HIVEP1: variants seen among roughly 807,000 people sequenced by gnomAD.
HIVEP1 encodes the protein zinc finger protein 40.
Under a neutral mutation model 180.0 loss-of-function variants are expected in HIVEP1, and 36 were observed. The ratio of observed to expected loss-of-function variants is 0.20; its 90% confidence interval spans 0.15 to 0.26. The LOEUF (loss-of-function observed/expected upper bound fraction) is 0.26, where lower values mean the gene tolerates loss of function less well. Ranked by LOEUF, HIVEP1 falls within the 10% of genes least tolerant of loss-of-function variation. HIVEP1 has a pLI of 1.00. For synonymous variants in HIVEP1, 1,239 were observed against 1,239.0 expected (o/e 1.00, Z 0.00); for missense variants, 3,143 against 3,268.7 (o/e 0.96, Z 0.94).
At chr6:12,205,449 T>C in the HIVEP1 span, among the ~76,000 whole-genome samples, 154 of 151,026 alleles carry the variant, frequency 1.0e-3, 1 homozygote, top group African/African-American at 3.1e-3. Context: ...CCAGCCTGGG[T>C]GACAGAGCAA....
At chr6:12,210,953 T>A in the HIVEP1 span, among the ~76,000 whole-genome samples, 1 of 152,030 alleles carries the variant, frequency 6.6e-6, no homozygotes, top group Non-Finnish European at 1.5e-5. Flanking sequence ...GATAAATGAA[T>A]GCCCCATTTA....
At chr6:12,068,645 A>G (rs1771761178) in intron 2 of HIVEP1, among the ~76,000 whole-genome samples, 1 of 152,204 alleles carries the variant, frequency 6.6e-6, no homozygotes, top group South Asian at 2.1e-4. Flanking sequence ...GTGAAGATAT[A>G]TGTGTAAATC....
intron 3 of HIVEP1, among the ~76,000 whole-genome samples, chr6:12,099,730 T>C (rs1434465192): frequency 6.6e-6 from 1 of 152,034 alleles, no homozygotes; most frequent in Admixed American, 6.5e-5. Flanking sequence ...TTGACAAATG[T>C]TTATTGAATC....
At chr6:12,174,638 AAAG>A in the HIVEP1 span, among the ~76,000 whole-genome samples, 12 of 152,220 alleles carry the variant, frequency 7.9e-5, no homozygotes, top group African/African-American at 1.2e-4. Flanking sequence ...TCCTTCAAAA[AAAG>A]AAGAAGCATT....
intron 2 of HIVEP1, among the ~76,000 whole-genome samples, chr6:12,078,337 A>G (rs1363450405): frequency 2.0e-5 from 3 of 152,130 alleles, no homozygotes; most frequent in African/African-American, 7.2e-5. Flanking sequence ...TCTGTTGCTC[A>G]GATCCTCTGC....
At position 12,123,661 on chromosome 6, in the gene HIVEP1, T is replaced by C. The variant is rs773329120; in HGVS notation, c.3866T>C (p.Ile1289Thr). The C allele has an allele frequency of 3.7e-6, 6 of 1,613,938 alleles. No homozygotes were observed. The highest frequency in any genetic ancestry group is 5.1e-6 in the Non-Finnish European group (6 of 1,180,028). Residue 1289 changes from isoleucine (I) to threonine (T), a missense_variant, in exon 4 of 9, where the codon ATA (isoleucine) becomes ACA (threonine). Ile to Thr is a moderately conservative substitution (Grantham distance 89, BLOSUM62 -1). Transcript: ENST00000379388. Reference protein sequence around the residue: ...PKKKRLRLAEIEHSSTESSFD... With the variant: ...PKKKRLRLAETEHSSTESSFD... ...AAGAAAAGGCTCCGTCTGGCTGAGA[T>C]AGAACATTCCTCAACAGAATCGAGC...
At chr6:12,008,116 C>T (rs1354127107), upstream of HIVEP1, 2 of 152,052 alleles carry the variant, frequency 1.3e-5, no homozygotes, top group Admixed American at 6.5e-5. Context: ...AAACTATATC[C>T]AGTGTCTGCT....
At chr6:12,013,771 T>A (rs1411060696) in intron 1 of HIVEP1, among the ~76,000 whole-genome samples, 1 of 152,240 alleles carries the variant, frequency 6.6e-6, no homozygotes, top group African/African-American at 2.4e-5. Context: ...TGAGAAACCC[T>A]ATCTTTTATA....
upstream of HIVEP1, among the ~76,000 whole-genome samples, chr6:12,011,735 C>G (rs866936233): frequency 3.6e-3 from 534 of 148,320 alleles, 4 homozygotes; most frequent in Non-Finnish European, 5.4e-3. Context: ...GCTCCGGGTT[C>G]GTGCCGGGCC....
the HIVEP1 span, among the ~76,000 whole-genome samples, chr6:12,209,364 C>T: frequency 4.6e-5 from 7 of 152,260 alleles, no homozygotes; most frequent in South Asian, 8.3e-4. Flanking sequence ...ACCCGGGAGG[C>T]GGAGCTTGCA....
upstream of HIVEP1, among the ~76,000 whole-genome samples, chr6:12,009,109 C>A (rs1767146895): frequency 7.0e-6 from 1 of 143,094 alleles, no homozygotes; most frequent in African/African-American, 2.5e-5. Flanking sequence ...TCCGGGATCT[C>A]CGCGTGGCGG....
intron 2 of HIVEP1, among the ~76,000 whole-genome samples, chr6:12,017,483 C>T (rs1767875496): frequency 6.6e-6 from 1 of 152,228 alleles, no homozygotes; most frequent in South Asian, 2.1e-4. Flanking sequence ...AGATTTATTG[C>T]AAAGAGCACA....
At chr6:12,097,003 G>A (rs1773821081) in intron 3 of HIVEP1, among the ~76,000 whole-genome samples, 1 of 152,050 alleles carries the variant, frequency 6.6e-6, no homozygotes, top group Non-Finnish European at 1.5e-5. Flanking sequence ...GAAAGCTCAT[G>A]TGGATATGGC....
intron 7 of HIVEP1, among the ~76,000 whole-genome samples, chr6:12,144,510 A>C (rs951773324): frequency 6.6e-6 from 1 of 152,250 alleles, no homozygotes; most frequent in African/African-American, 2.4e-5. Context: ...CAATGGCAAC[A>C]GAAGACAAAA....
At chr6:12,194,788 C>A in the HIVEP1 span, among the ~76,000 whole-genome samples, 3 of 151,996 alleles carry the variant, frequency 2.0e-5, no homozygotes, top group Non-Finnish European at 4.4e-5. Flanking sequence ...GGCGACAGAG[C>A]GAGACTGTGT....
At chr6:12,018,900 G>A (rs1214838912) in intron 2 of HIVEP1, among the ~76,000 whole-genome samples, 1 of 152,182 alleles carries the variant, frequency 6.6e-6, no homozygotes, top group Admixed American at 6.5e-5. Flanking sequence ...ATCAGGAAAG[G>A]CCCTCAGATT....
intron 3 of HIVEP1, among the ~76,000 whole-genome samples, chr6:12,111,160 T>C (rs547501982): frequency 2.6e-5 from 4 of 152,256 alleles, no homozygotes; most frequent in South Asian, 2.1e-4. Context: ...ATGACAGATA[T>C]AATAATAATG....
intron 2 of HIVEP1, among the ~76,000 whole-genome samples, chr6:12,017,156 A>G (rs993116554): frequency 4.6e-5 from 7 of 152,200 alleles, no homozygotes; most frequent in African/African-American, 1.4e-4. Flanking sequence ...AGAAACACAG[A>G]TTTACAGGCC....
intron 3 of HIVEP1, among the ~76,000 whole-genome samples, chr6:12,111,734 C>T (rs1343878079): frequency 6.6e-6 from 1 of 152,228 alleles, no homozygotes; most frequent in East Asian, 1.9e-4. Flanking sequence ...AAGAGATTCT[C>T]CATTGTTATG....
Sources: gnomAD v4.1 joint callset for allele counts (sites outside exome capture counted in the v4.1 genomes callset) on GRCh38, gnomAD v4.1.1 for gene constraint, MANE v1.5 for transcripts, NCBI Gene and HGNC (gene_info 2026-07-23, HGNC 2026-07-21) for gene names.